The following GMPS variants were observed in gnomAD, a reference collection of about 807,000 sequenced individuals.
GMPS encodes GMP synthase [glutamine-hydrolyzing].
In GMPS, 15 loss-of-function variants were observed where a neutral mutation model predicts 77.9. That is an observed-to-expected ratio of 0.19 (90% CI 0.13 to 0.30). GMPS has a LOEUF of 0.30. Ranked by LOEUF, GMPS falls within the 10% of genes least tolerant of loss-of-function variation. The probability of loss-of-function intolerance (pLI) is 1.00; values close to 1 mark genes in which losing one functional copy is unlikely to be tolerated. For missense variants in GMPS, 590 were observed against 838.8 expected (o/e 0.70, Z 3.66); for synonymous variants, 224 against 275.9 (o/e 0.81, Z 1.86).
At position 155,941,394 on chromosome 3, in the gene GMPS, C is replaced by G. The variant is rs1193548148; in HGVS notation, c.*3702C>G. 7.1e-6 allele frequency: 1 copy of G among 140,482 alleles called. No individual in the cohort carries two copies. The highest frequency in any genetic ancestry group is 1.3e-5 in the Non-Finnish European group (1 of 75,300). The allele number at this position is 140,482 out of a possible 1,614,324, so 8.7% of individuals were successfully genotyped here. ...ACTCCGGCCTGGTGAAAGAGCGAGA[C>G]TCAGTCTCAAAAAAAAAAAAAAAAG... On this transcript the variant is annotated 3_prime_UTR_variant, in exon 16 of 16. Transcript: ENST00000496455.
intron 2 of GMPS, among the ~76,000 whole-genome samples, chr3:155,896,613 G>C (rs555105658): frequency 6.6e-6 from 1 of 150,870 alleles, no homozygotes; most frequent in African/African-American, 2.4e-5. Flanking sequence ...TAGACATGGG[G>C]TTTTGCCACA....
chr3:155,878,820 A>T (rs1246544308), intron 1 of GMPS, among the ~76,000 whole-genome samples: 2 of 152,012 alleles, frequency 1.3e-5, no homozygotes, highest in African/African-American at 4.8e-5. Context: ...ACTTAGTGTA[A>T]GTCCAAAGAC....
intron 1 of GMPS, among the ~76,000 whole-genome samples, chr3:155,876,638 C>T (rs1039703650): frequency 2.6e-5 from 4 of 152,160 alleles, no homozygotes; most frequent in African/African-American, 4.8e-5. Flanking sequence ...CAGGAGAGTC[C>T]TGGGCAGACT....
chr3:155,936,033 T>A (rs563682081), intron 14 of GMPS, among the ~76,000 whole-genome samples: 2 of 152,290 alleles, frequency 1.3e-5, no homozygotes, highest in African/African-American at 4.8e-5. Flanking sequence ...TATTCGCTAA[T>A]TCGTTGTTTG....
intron 12 of GMPS, among the ~76,000 whole-genome samples, chr3:155,926,873 G>C (rs1452725671): frequency 6.6e-6 from 1 of 152,130 alleles, no homozygotes; most frequent in African/African-American, 2.4e-5. Flanking sequence ...AATTAGCCGG[G>C]TGTGGTGGTG....
chr3:155,930,786 A>G (rs12638836), intron 12 of GMPS, among the ~76,000 whole-genome samples: 29,971 of 152,170 alleles, frequency 0.2, 3,099 homozygotes, highest in South Asian at 0.26. Flanking sequence ...CAAAAAACAC[A>G]GGCAGATCTT....
Position 155,940,292 on chromosome 3 carries a change from C to A in GMPS, c.*2600C>A, listed in dbSNP as rs961916726. 1 of 202,860 alleles carries A rather than the reference C, an allele frequency of 4.9e-6. No homozygotes were observed. The highest frequency in any genetic ancestry group is 2.3e-5 in the African/African-American group (1 of 43,658). 12.6% of individuals were successfully genotyped at this position (202,860 alleles called of 1,614,324 possible). A position where few individuals can be genotyped will look rare whatever the true frequency, so the allele number is the denominator to read the frequency against. On this transcript the variant is annotated 3_prime_UTR_variant, in exon 16 of 16. Transcript: ENST00000496455. ...CCCAGTCCTGCCTTAAAGGCCACATCTATGATCATCAGCTCTGTTAGAAAT... is the reference window on the plus strand; with the variant it reads ...CCCAGTCCTGCCTTAAAGGCCACATATATGATCATCAGCTCTGTTAGAAAT...
intron 12 of GMPS, among the ~76,000 whole-genome samples, chr3:155,928,845 G>A (rs927420662): frequency 2.6e-5 from 4 of 151,464 alleles, no homozygotes; most frequent in Admixed American, 2.6e-4. Flanking sequence ...TTTCATCCAT[G>A]TCCTTACAAA....
At chr3:155,919,377 G>T in intron 10 of GMPS, 39 bp downstream of exon 10, 1 of 952,448 alleles carries the variant, frequency 1.0e-6, no homozygotes, top group Non-Finnish European at 1.7e-6. Flanking sequence ...TTCATCTTTA[G>T]ACCTTCATGT....
At chr3:155,893,073 T>C (rs1391322907) in intron 1 of GMPS, among the ~76,000 whole-genome samples, 2 of 152,240 alleles carry the variant, frequency 1.3e-5, no homozygotes, top group East Asian at 3.8e-4. Flanking sequence ...CATCAGTATA[T>C]ATCCCTCATA....
Position 155,936,518 on chromosome 3 carries a change from ATAT to A in GMPS, c.1980+9_1980+11del, listed in dbSNP as rs1309010442. The A allele has an allele frequency of 6.4e-7, 1 of 1,559,990 alleles. No homozygotes were observed. The highest frequency in any genetic ancestry group is 1.4e-5 in the African/African-American group (1 of 73,662). On this transcript the variant is annotated intron_variant, in intron 15 of 15. Coordinates refer to ENST00000496455, the MANE Select transcript of GMPS (RefSeq NM_003875.3). ...AATGAGATCCCTGTAGAGGTAATTT[ATAT>A]ATTTTTTTCTAATGCACGTTCTCAG... is the stretch of plus-strand genomic sequence containing the variant.
At chr3:155,888,482 T>A (rs902798480) in intron 1 of GMPS, among the ~76,000 whole-genome samples, 1 of 151,860 alleles carries the variant, frequency 6.6e-6, no homozygotes, top group Admixed American at 6.6e-5. Flanking sequence ...CAGGCTGGAG[T>A]GCAGTGGCAT....
chr3:155,889,591 C>T lies in GMPS; in HGVS notation c.28-3927C>T, dbSNP rs143864133. 5.7e-4 allele frequency among the ~76,000 whole-genome samples: 87 copies of T among 152,226 alleles called. 1 individual carries two copies. The highest frequency in any genetic ancestry group is 2.0e-3 in the African/African-American group (83 of 41,532). Reference sequence around the variant, plus strand: ...TGTGGCTGTGGTAGTTTGTCACCACCAACTTGTATTTTGGGGTTCTTGTAA... The same window carrying T: ...TGTGGCTGTGGTAGTTTGTCACCACTAACTTGTATTTTGGGGTTCTTGTAA... On this transcript the variant is annotated intron_variant, in intron 1 of 15. Coordinates refer to ENST00000496455, the MANE Select transcript of GMPS (RefSeq NM_003875.3).
chr3:155,930,201 C>T (rs1300996020), intron 12 of GMPS, among the ~76,000 whole-genome samples: 43 of 147,540 alleles, frequency 2.9e-4, no homozygotes, highest in Admixed American at 3.4e-4. Flanking sequence ...TCAGAAATAA[C>T]GCCACATACC....
Position 155,938,126 on chromosome 3 carries a change from A to G in GMPS, c.*434A>G, listed in dbSNP as rs1301617487. 4.4e-6 allele frequency: 1 copy of G among 227,046 alleles called. No homozygotes were observed. The highest frequency in any genetic ancestry group is 2.2e-5 in the African/African-American group (1 of 44,944). The allele number at this position is 227,046 out of a possible 1,614,324, so 14.1% of individuals were successfully genotyped here. On this transcript the variant is annotated 3_prime_UTR_variant, in exon 16 of 16. Transcript: ENST00000496455. The stretch of plus-strand genomic sequence containing the variant: ...TACTTTTTGGAGAATCAGTTTTCTT[A>G]TAAGTAATCTTATTTCTCCAAAGGG...
At chr3:155,918,098 A>G (rs1384293085) in intron 9 of GMPS, among the ~76,000 whole-genome samples, 1 of 152,018 alleles carries the variant, frequency 6.6e-6, no homozygotes, top group Non-Finnish European at 1.5e-5. Flanking sequence ...ATTTTTCCAA[A>G]TGCTTACAAT....
In GMPS at chr3:155,911,284, T is replaced by C; in HGVS notation, c.886+5T>C. On this transcript the variant is annotated splice_donor_5th_base_variant and intron_variant, in intron 7 of 15. Transcript: ENST00000496455. ...AGCTTGGAATTCAGGTCAAAGGTAT[T>C]GAAGAACCTCAGAAAAGTTAACTTA... is the stretch of plus-strand genomic sequence containing the variant. 1.3e-6 allele frequency: 2 copies of C among 1,581,412 alleles called. No individual in the cohort carries two copies. Among genetic ancestry groups the C allele is most frequent in the Non-Finnish European group, 1.7e-6 (2 of 1,163,866 alleles).
chr3:155,922,117 T>G, intron 10 of GMPS, 70 bp from the exon 11 acceptor site: 1 of 651,362 alleles, frequency 1.5e-6, no homozygotes, highest in Non-Finnish European at 2.5e-6. Flanking sequence ...ACTAGTGGCA[T>G]TTTTATATTA....
chr3:155,898,430 A>G (rs984180256), intron 3 of GMPS, among the ~76,000 whole-genome samples: 1 of 152,222 alleles, frequency 6.6e-6, no homozygotes, highest in Non-Finnish European at 1.5e-5. Context: ...AAATATTAGG[A>G]CACTCTTACT....
Sources: gnomAD v4.1 joint callset for allele counts (sites outside exome capture counted in the v4.1 genomes callset) on GRCh38, gnomAD v4.1.1 for gene constraint, MANE v1.5 for transcripts, NCBI Gene and HGNC (gene_info 2026-07-23, HGNC 2026-07-21) for gene names.